SGCZ: variants seen among roughly 807,000 people sequenced by gnomAD.
The protein encoded by SGCZ is sarcoglycan zeta, also known as zeta-sarcoglycan.
SGCZ carries 40 observed loss-of-function variants against 41.3 expected under a neutral mutation model. The ratio of observed to expected loss-of-function variants is 0.97; its 90% CI spans 0.75 to 1.26. The LOEUF (loss-of-function observed/expected upper bound fraction) is 1.26, where lower values mean the gene tolerates loss of function less well. Ranked by LOEUF, SGCZ falls within the 50% of genes most tolerant of loss-of-function variation. The pLI, the probability that SGCZ is intolerant of heterozygous loss-of-function variation, is 0.00. For missense variants in SGCZ, 552 were observed against 369.8 expected, an observed-to-expected ratio of 1.49 and a Z score of -4.04; for synonymous variants, 206 against 137.5, an observed-to-expected ratio of 1.50 and a Z score of -3.49.
chr8:15,165,671 A>G (rs1237715116), intron 1 of SGCZ, among the ~76,000 whole-genome samples: 4 of 152,228 alleles, frequency 2.6e-5, no homozygotes, highest in Non-Finnish European at 5.9e-5. Flanking sequence ...CGCAAGGTGT[A>G]TGAGAACAGT....
intron 1 of SGCZ, among the ~76,000 whole-genome samples, chr8:14,822,331 T>C (rs1345677608): frequency 6.6e-6 from 1 of 152,104 alleles, no homozygotes; most frequent in African/African-American, 2.4e-5. Context: ...ATGTAAGAAA[T>C]TGAAGATGAC....
intron 1 of SGCZ, among the ~76,000 whole-genome samples, chr8:15,176,473 G>C (rs1270771178): frequency 6.6e-6 from 1 of 152,106 alleles, no homozygotes; most frequent in Non-Finnish European, 1.5e-5. Context: ...GCATAATACT[G>C]TATGTGAATA....
chr8:14,980,810 G>A (rs1009193888), intron 1 of SGCZ, among the ~76,000 whole-genome samples: 1 of 152,120 alleles, frequency 6.6e-6, no homozygotes, highest in African/African-American at 2.4e-5. Context: ...TATGGGTGGG[G>A]ACACAGAGCC....
chr8:14,763,230 C>T (rs1251838242), intron 1 of SGCZ, among the ~76,000 whole-genome samples: 2 of 152,158 alleles, frequency 1.3e-5, no homozygotes, highest in Admixed American at 6.5e-5. Flanking sequence ...TTTCTAGGAG[C>T]GTCTTATATT....
intron 1 of SGCZ, among the ~76,000 whole-genome samples, chr8:14,598,299 T>A (rs1171602276): frequency 6.6e-6 from 1 of 152,122 alleles, no homozygotes; most frequent in African/African-American, 2.4e-5. Context: ...ATTTAATGTT[T>A]TCTTGCGAGT....
At chr8:14,929,203 G>A (rs1376754878) in intron 1 of SGCZ, among the ~76,000 whole-genome samples, 1 of 152,046 alleles carries the variant, frequency 6.6e-6, no homozygotes, top group African/African-American at 2.4e-5. Context: ...ATATTGGCCA[G>A]GCTGGTCTCG....
chr8:14,739,901 G>A (rs1012215736), intron 1 of SGCZ, among the ~76,000 whole-genome samples: 27 of 151,718 alleles, frequency 1.8e-4, no homozygotes, highest in African/African-American at 5.3e-4. Context: ...AAACCTTTCC[G>A]TACCACCCAC....
rs76980444 is a variant in SGCZ at position 14,179,065 on chromosome 8, C to T, written c.425-14363G>A. 6.3e-3 allele frequency among the ~76,000 whole-genome samples: 966 copies of T among 152,190 alleles called. 16 individuals carry two copies. The highest frequency in any genetic ancestry group is 0.02 in the African/African-American group (819 of 41,510). ...GAGATGGATGCTTGTACACTTGCCCCGGCCAAGGCAGGCAGTAAATGTAAA... is the reference window on the plus strand; with the variant it reads ...GAGATGGATGCTTGTACACTTGCCCTGGCCAAGGCAGGCAGTAAATGTAAA... On this transcript the variant is annotated intron_variant, in intron 4 of 7. Transcript: ENST00000382080.
At chr8:14,234,641 A>G (rs2117159209) in intron 4 of SGCZ, among the ~76,000 whole-genome samples, 1 of 152,182 alleles carries the variant, frequency 6.6e-6, no homozygotes, top group African/African-American at 2.4e-5. Context: ...TGACTGTACT[A>G]TAACCAAGGC....
chr8:15,091,633 TA>T (rs1188596966), intron 1 of SGCZ, among the ~76,000 whole-genome samples: 2 of 152,320 alleles, frequency 1.3e-5, no homozygotes, highest in South Asian at 4.1e-4. Context: ...GAGATGGAAC[TA>T]AAAAAATTTC....
At chr8:14,428,563 T>C (rs577016793) in intron 2 of SGCZ, among the ~76,000 whole-genome samples, 24 of 152,350 alleles carry the variant, frequency 1.6e-4, no homozygotes, top group South Asian at 8.3e-4. Flanking sequence ...TCATTCAACA[T>C]TTTATTTAAA....
At chr8:14,319,118 G>T (rs1801828811) in intron 3 of SGCZ, among the ~76,000 whole-genome samples, 1 of 151,878 alleles carries the variant, frequency 6.6e-6, no homozygotes, top group African/African-American at 2.4e-5. Context: ...CCTAACATAA[G>T]AATTATTGCT....
At chr8:14,428,766 G>T (rs1292247584) in intron 2 of SGCZ, among the ~76,000 whole-genome samples, 1 of 152,156 alleles carries the variant, frequency 6.6e-6, no homozygotes, top group Non-Finnish European at 1.5e-5. Context: ...AGCTTGTTGA[G>T]GAGGTCAGAA....
At chr8:15,138,632 C>T (rs1489809370) in intron 1 of SGCZ, among the ~76,000 whole-genome samples, 1 of 152,130 alleles carries the variant, frequency 6.6e-6, no homozygotes, top group African/African-American at 2.4e-5. Flanking sequence ...CTTGATTGCA[C>T]TCATTCTCTC....
chr8:15,095,906 T>A (rs1015204392), intron 1 of SGCZ, among the ~76,000 whole-genome samples: 1 of 152,106 alleles, frequency 6.6e-6, no homozygotes, highest in African/African-American at 2.4e-5. Flanking sequence ...TCAACAAGGA[T>A]CAAGCCTTTT....
At chr8:14,672,961 T>C (rs768930292) in intron 1 of SGCZ, among the ~76,000 whole-genome samples, 12 of 152,128 alleles carry the variant, frequency 7.9e-5, no homozygotes, top group Non-Finnish European at 1.3e-4. Context: ...CCAGACAAAC[T>C]GGAAAGAAAG....
rs74677813 is a variant in SGCZ at position 14,884,285 on chromosome 8, T to C, written c.40-329359A>G. Among the ~76,000 whole-genome samples, 544 of 152,278 alleles carry C rather than the reference T, an allele frequency of 3.6e-3. 3 individuals carry two copies. The highest frequency in any genetic ancestry group is 0.012 in the African/African-American group (494 of 41,554). Reference sequence around the variant, plus strand: ...AGTGCTTTCCAAACCTGGCGTGTTTTTGATGCACCTTATTGGGCTGAGTAT... The same window carrying C: ...AGTGCTTTCCAAACCTGGCGTGTTTCTGATGCACCTTATTGGGCTGAGTAT... On this transcript the variant is annotated intron_variant, in intron 1 of 7. Transcript: ENST00000382080.
intron 2 of SGCZ, among the ~76,000 whole-genome samples, chr8:14,449,744 C>T (rs7813614): frequency 0.24 from 36,436 of 151,974 alleles, 4,724 homozygotes; most frequent in Admixed American, 0.3. Flanking sequence ...TGACCAGATG[C>T]TAATTGTGGC....
At chr8:15,228,673 A>G (rs1585696569) in intron 1 of SGCZ, among the ~76,000 whole-genome samples, 1 of 152,212 alleles carries the variant, frequency 6.6e-6, no homozygotes, top group East Asian at 1.9e-4. Context: ...CAAATTTGAG[A>G]GCAATAACAA....
Sources: gnomAD v4.1 joint callset for allele counts (sites outside exome capture counted in the v4.1 genomes callset) on GRCh38, gnomAD v4.1.1 for gene constraint, MANE v1.5 for transcripts, NCBI Gene and HGNC (gene_info 2026-07-23, HGNC 2026-07-21) for gene names.